Variants in ZFHX3 observed in about 807,000 individuals in gnomAD.
ZFHX3 encodes the protein zinc finger homeobox 3.
In ZFHX3, 42 loss-of-function variants were observed where a neutral mutation model predicts 279.1. The observed-to-expected ratio is 0.15, with a 90% CI of 0.12 to 0.19. The LOEUF (loss-of-function observed/expected upper bound fraction) is 0.19, where lower values mean the gene tolerates loss of function less well. ZFHX3 is among the 10% of genes least tolerant of loss of function. The pLI is 1.00. For synonymous variants in ZFHX3, 2,293 were observed against 1,957.8 expected, an observed-to-expected ratio of 1.17 and a Z score of -4.52; for missense variants, 4,981 against 4,754.0, an observed-to-expected ratio of 1.05 and a Z score of -1.40.
intron 2 of ZFHX3, among the ~76,000 whole-genome samples, chr16:73,465,938 C>T (rs574031242): frequency 2.6e-5 from 4 of 152,118 alleles, no homozygotes; most frequent in African/African-American, 7.2e-5. Context: ...CCACTCCCAC[C>T]CCACCCCCTC....
chr16:72,851,129 G>A (rs2037606254), intron 4 of ZFHX3, among the ~76,000 whole-genome samples: 1 of 152,100 alleles, frequency 6.6e-6, no homozygotes, highest in Non-Finnish European at 1.5e-5. Flanking sequence ...TCACTTCCAT[G>A]TTCACAGTAC....
At chr16:73,513,134 C>G (rs1280011617) in intron 2 of ZFHX3, among the ~76,000 whole-genome samples, 1 of 152,144 alleles carries the variant, frequency 6.6e-6, no homozygotes, top group Non-Finnish European at 1.5e-5. Context: ...GATCTCTGCA[C>G]ATAGATGAAA....
intron 5 of ZFHX3, among the ~76,000 whole-genome samples, chr16:73,187,144 T>TCACACACACA (rs71156147): frequency 0.2 from 29,764 of 146,864 alleles, 3,149 homozygotes; most frequent in Admixed American, 0.29. Flanking sequence ...GTTGTATGTC[T>TCACACACACA]CACACACACA....
chr16:73,134,218 T>C (rs1827636477), intron 6 of ZFHX3, among the ~76,000 whole-genome samples: 1 of 151,428 alleles, frequency 6.6e-6, no homozygotes, highest in Non-Finnish European at 1.5e-5. Flanking sequence ...TTTTAACCAC[T>C]CACAACTCAG....
At chr16:73,866,738 G>T (rs539305357) in intron 1 of ZFHX3, among the ~76,000 whole-genome samples, 71 of 152,332 alleles carry the variant, frequency 4.7e-4, no homozygotes, top group African/African-American at 1.6e-3. Flanking sequence ...CAGCACAGGT[G>T]CAGGGAGTTT....
intron 5 of ZFHX3, among the ~76,000 whole-genome samples, chr16:73,240,118 T>G (rs1011690043): frequency 6.6e-6 from 1 of 152,124 alleles, no homozygotes; most frequent in African/African-American, 2.4e-5. Flanking sequence ...CATACCTGAA[T>G]GAAGCTTAAT....
At chr16:72,963,394 G>C (rs568519147) in intron 1 of ZFHX3, among the ~76,000 whole-genome samples, 1 of 152,294 alleles carries the variant, frequency 6.6e-6, no homozygotes, top group East Asian at 1.9e-4. Context: ...AATTCAGTTA[G>C]ATTTTAATAG....
chr16:72,975,422 CAG>C (rs1475682663), intron 1 of ZFHX3, among the ~76,000 whole-genome samples: 1 of 152,090 alleles, frequency 6.6e-6, no homozygotes, highest in Admixed American at 6.5e-5. Context: ...GTCTGGAAGA[CAG>C]AGTGAGACTC....
chr16:73,849,447 A>C (rs916562743), intron 1 of ZFHX3, among the ~76,000 whole-genome samples: 3 of 152,102 alleles, frequency 2.0e-5, no homozygotes, highest in African/African-American at 7.2e-5. Flanking sequence ...GGAAGGTATG[A>C]TTTCTATTTT....
At chr16:73,802,763 G>A (rs1005414043) in intron 1 of ZFHX3, among the ~76,000 whole-genome samples, 3 of 152,014 alleles carry the variant, frequency 2.0e-5, no homozygotes, top group African/African-American at 7.2e-5. Context: ...ACAATAAGCA[G>A]GTATATATTA....
At chr16:72,916,071 C>A (rs2039434752) in intron 3 of ZFHX3, among the ~76,000 whole-genome samples, 1 of 152,050 alleles carries the variant, frequency 6.6e-6, no homozygotes, top group Non-Finnish European at 1.5e-5. Flanking sequence ...GTATACGTGG[C>A]AAAAATCTAA....
At chr16:73,425,788 C>A (rs1287474575) in intron 3 of ZFHX3, among the ~76,000 whole-genome samples, 1 of 152,128 alleles carries the variant, frequency 6.6e-6, no homozygotes, top group Non-Finnish European at 1.5e-5. Flanking sequence ...TCAGCTATAT[C>A]CTTCTCTTCA....
chr16:73,753,817 A>G (rs552516925), intron 1 of ZFHX3, among the ~76,000 whole-genome samples: 1 of 152,330 alleles, frequency 6.6e-6, no homozygotes, highest in East Asian at 1.9e-4. Context: ...TCACAAAACA[A>G]GGTTACATAT....
In ZFHX3 at chr16:73,863,327, T is replaced by C. The variant is rs930888928; in HGVS notation, c.-1608+28324A>G. Among the ~76,000 whole-genome samples, 12 of 152,134 alleles carry C rather than the reference T, an allele frequency of 7.9e-5. 1 individual carries two copies. Among genetic ancestry groups the C allele is most frequent in the Non-Finnish European group, 1.2e-4 (8 of 68,020 alleles). ...GCATAAAGAGTAGGATCATGAACAA[T>C]GGCCCCAGAAGGTGGACCCAGATGG... On this transcript the variant is annotated intron_variant, in intron 1 of 17. Coordinates refer to the ZFHX3 transcript ENST00000641206.
At chr16:72,980,603 T>TAA (rs112283136) in intron 1 of ZFHX3, among the ~76,000 whole-genome samples, 6 of 126,950 alleles carry the variant, frequency 4.7e-5, no homozygotes, top group East Asian at 2.3e-4. Flanking sequence ...TACCAAAAGT[T>TAA]AAAAAAAAAA....
chr16:73,755,046 C>A (rs1453664432), intron 1 of ZFHX3, among the ~76,000 whole-genome samples: 1 of 152,180 alleles, frequency 6.6e-6, no homozygotes, highest in Non-Finnish European at 1.5e-5. Flanking sequence ...TTCTACTTTA[C>A]ATACAACATA....
intron 2 of ZFHX3, among the ~76,000 whole-genome samples, chr16:73,539,288 G>A (rs1315229705): frequency 3.3e-5 from 5 of 151,822 alleles, no homozygotes; most frequent in South Asian, 2.1e-4. Flanking sequence ...TCCAGAATTC[G>A]ATTCCACATT....
chr16:73,231,524 G>A (rs1260200749), intron 5 of ZFHX3, among the ~76,000 whole-genome samples: 3 of 152,172 alleles, frequency 2.0e-5, no homozygotes, highest in East Asian at 1.9e-4. Context: ...TGGAAGCAGC[G>A]AGGGGGTGAT....
chr16:73,052,835 G>A (rs1253782137), upstream of ZFHX3, among the ~76,000 whole-genome samples: 1 of 152,216 alleles, frequency 6.6e-6, no homozygotes, highest in African/African-American at 2.4e-5. Context: ...ATCTAAAGGC[G>A]ATGCGTACAC....
Sources: allele counts gnomAD v4.1 joint callset (sites outside exome capture counted in the v4.1 genomes callset), GRCh38; gene constraint gnomAD v4.1.1; transcripts MANE v1.5; gene names NCBI Gene and HGNC (gene_info 2026-07-23, HGNC 2026-07-21).